UBE2U: variants seen among roughly 807,000 people sequenced by gnomAD.
UBE2U encodes ubiquitin conjugating enzyme E2 U, also known as ubiquitin-conjugating enzyme E2 U.
Under a neutral mutation model 41.2 loss-of-function variants are expected in UBE2U, and 39 were observed. The observed-to-expected ratio is 0.95, with a 90% confidence interval of 0.73 to 1.24. UBE2U has a LOEUF of 1.24. Ranked by LOEUF, UBE2U falls within the 50% of genes most tolerant of loss-of-function variation. The pLI is 0.00. For missense variants in UBE2U, 336 were observed against 363.1 expected, an observed-to-expected ratio of 0.93 and a Z score of 0.61; for synonymous variants, 107 against 117.8, an observed-to-expected ratio of 0.91 and a Z score of 0.60.
intron 8 of UBE2U, among the ~76,000 whole-genome samples, chr1:64,249,686 G>C (rs1022548310): frequency 2.6e-5 from 4 of 151,608 alleles, no homozygotes; most frequent in Non-Finnish European, 5.9e-5. Flanking sequence ...CAGAAGAAAT[G>C]ACCCATGAAC....
intron 6 of UBE2U, among the ~76,000 whole-genome samples, chr1:64,227,480 A>G (rs1652953158): frequency 1.3e-5 from 2 of 152,206 alleles, no homozygotes; most frequent in South Asian, 2.1e-4. Context: ...TATACTCATA[A>G]TCAACAGATA....
At chr1:64,221,731 G>GT (rs571915503) in intron 6 of UBE2U, among the ~76,000 whole-genome samples, 96 of 152,296 alleles carry the variant, frequency 6.3e-4, no homozygotes, top group Middle Eastern at 6.8e-3. Flanking sequence ...AACTAGTGTT[G>GT]TAACAGTGTT....
Position 64,241,639 on chromosome 1 carries a change from AT to A in UBE2U, c.596-11del, listed in dbSNP as rs753236314. 1.9e-6 allele frequency: 3 copies of A among 1,579,042 alleles called. No individual in the cohort carries two copies. In the Admixed American group the frequency reaches 5.4e-5, roughly 29 times the overall value. On this transcript the variant is annotated splice_polypyrimidine_tract_variant and intron_variant, in intron 7 of 9. Coordinates refer to ENST00000371077, the MANE Select transcript of UBE2U (RefSeq NM_001366232.2). ...TGTATGTATAGCTTCTTTTTTTAATATTCTAATTTCAGTGCTCAAAGTTCCA... is the reference window on the plus strand; with the variant it reads ...TGTATGTATAGCTTCTTTTTTTAATATCTAATTTCAGTGCTCAAAGTTCCA...
intron 7 of UBE2U, among the ~76,000 whole-genome samples, chr1:64,233,709 A>G (rs1644613896): frequency 6.6e-6 from 1 of 152,242 alleles, no homozygotes; most frequent in Non-Finnish European, 1.5e-5. Context: ...ACAGATTGAG[A>G]GAGCTGGACA....
intron 6 of UBE2U, among the ~76,000 whole-genome samples, chr1:64,231,241 G>C (rs867619933): frequency 3.9e-5 from 6 of 152,322 alleles, no homozygotes; most frequent in Non-Finnish European, 7.4e-5. Flanking sequence ...AAAAACAATG[G>C]AGACGATTGT....
chr1:64,239,128 A>AG (rs1491162022), intron 7 of UBE2U, among the ~76,000 whole-genome samples: 499 of 23,200 alleles, frequency 0.022, 10 homozygotes, highest in South Asian at 0.037. Flanking sequence ...AAGAAGAAGA[A>AG]GAAGAAGAAG....
rs190842024 is a variant in UBE2U at position 64,266,444 on chromosome 1, G to A, written c.770-580G>A. 1.9e-3 allele frequency among the ~76,000 whole-genome samples: 285 copies of A among 152,236 alleles called. 3 individuals carry two copies. The highest frequency in any genetic ancestry group is 7.6e-4 in the Non-Finnish European group (52 of 68,016). On this transcript the variant is annotated intron_variant, in intron 9 of 9. Transcript: ENST00000371077. The stretch of plus-strand genomic sequence containing the variant: ...TTGCTCAGCCTCAGTTTCCTCATCT[G>A]TAAAATAAGAATAATAATACCTGCC...
chr1:64,257,932 G>A (rs569694200), intron 8 of UBE2U, among the ~76,000 whole-genome samples: 14 of 151,574 alleles, frequency 9.2e-5, no homozygotes, highest in Admixed American at 2.6e-4. Flanking sequence ...AAAACTCTCA[G>A]TAAATTAAGA....
chr1:64,248,365 A>C (rs1180952168), intron 8 of UBE2U, among the ~76,000 whole-genome samples: 1 of 152,214 alleles, frequency 6.6e-6, no homozygotes, highest in Non-Finnish European at 1.5e-5. Context: ...TTTTATCAGA[A>C]GAAGGCAGGA....
Position 64,210,779 on chromosome 1 carries a change from G to A in UBE2U, c.279G>A (p.Leu93=). 6.2e-7 allele frequency: 1 copy of A among 1,605,188 alleles called. No homozygotes were observed. Among genetic ancestry groups the A allele is most frequent in the Non-Finnish European group, 8.5e-7 (1 of 1,174,712 alleles). The change falls in exon 4 of 10, where the codon TTG becomes TTA. Residue 93 remains leucine, a synonymous_variant. Coordinates refer to ENST00000371077, the MANE Select transcript of UBE2U (RefSeq NM_001366232.2). ...PHTGQPCIDF[L]DNPEKWNTNY... is the part of the protein sequence containing the mutation. ...CTGGTCAGCCCTGTATAGACTTTTT[G>A]GACAACCCTGAGAAGTGGAATACAA...
intron 6 of UBE2U, among the ~76,000 whole-genome samples, chr1:64,224,757 A>G (rs886349473): frequency 1.2e-4 from 18 of 151,970 alleles, no homozygotes; most frequent in Non-Finnish European, 2.5e-4. Flanking sequence ...AAAGTTGGAC[A>G]CAGAAATTCA....
chr1:64,261,636 C>T (rs1469441521), intron 9 of UBE2U, among the ~76,000 whole-genome samples: 4 of 152,158 alleles, frequency 2.6e-5, no homozygotes, highest in Non-Finnish European at 5.9e-5. Context: ...TATTATCAGC[C>T]TCAGCCTTCT....
chr1:64,214,757 GTT>G, intron 4 of UBE2U, 56 bp from the exon 5 acceptor site: 1 of 1,368,338 alleles, frequency 7.3e-7, no homozygotes, highest in Non-Finnish European at 1.0e-6. Context: ...TTGGTTTGTC[GTT>G]TTGCTCTAAA....
intron 8 of UBE2U, among the ~76,000 whole-genome samples, chr1:64,251,707 C>T (rs1020679026): frequency 1.3e-5 from 2 of 152,192 alleles, no homozygotes; most frequent in South Asian, 2.1e-4. Flanking sequence ...CTTTGCAACT[C>T]GTGGATCAGG....
At chr1:64,229,653 A>T (rs1653145866) in intron 6 of UBE2U, among the ~76,000 whole-genome samples, 1 of 152,156 alleles carries the variant, frequency 6.6e-6, no homozygotes, top group African/African-American at 2.4e-5. Flanking sequence ...CCAACCAGAG[A>T]TATTTAGGGG....
intron 8 of UBE2U, among the ~76,000 whole-genome samples, chr1:64,257,889 A>C (rs1645119872): frequency 6.6e-6 from 1 of 152,212 alleles, no homozygotes; most frequent in African/African-American, 2.4e-5. Context: ...TTTTAAAATA[A>C]AAGATAAAGG....
chr1:64,239,157 A>AAGAAGAAGAAGAAGAAAG, intron 7 of UBE2U, among the ~76,000 whole-genome samples: 1 of 37,064 alleles, frequency 2.7e-5, no homozygotes, highest in Non-Finnish European at 5.8e-5. Flanking sequence ...GAAGAAGAAG[A>AAGAAGAAGAAGAAGAAAG]AAGAAGAAGA....
chr1:64,226,993 TA>T (rs1390392892), intron 6 of UBE2U, among the ~76,000 whole-genome samples: 1 of 152,218 alleles, frequency 6.6e-6, no homozygotes, highest in East Asian at 1.9e-4. Context: ...TCAATTTGTT[TA>T]ACACATTTAC....
chr1:64,220,670 G>A (rs1405393395), intron 5 of UBE2U, among the ~76,000 whole-genome samples, 189 bp from the exon 6 acceptor site: 2 of 151,882 alleles, frequency 1.3e-5, no homozygotes, highest in Non-Finnish European at 2.9e-5. Flanking sequence ...TGCTAAGACA[G>A]TTACCACTTG....
Sources: allele counts gnomAD v4.1 joint callset (sites outside exome capture counted in the v4.1 genomes callset), GRCh38; gene constraint gnomAD v4.1.1; transcripts MANE v1.5; gene names NCBI Gene and HGNC (gene_info 2026-07-23, HGNC 2026-07-21).